Variants in SEMA6A observed in about 807,000 individuals in gnomAD.
The protein encoded by SEMA6A is semaphorin 6A, also known as semaphorin-6A.
A neutral mutation model predicts 96.8 loss-of-function variants in SEMA6A; 25 were observed. The ratio of observed to expected loss-of-function variants is 0.26; its 90% CI spans 0.19 to 0.36. The LOEUF (loss-of-function observed/expected upper bound fraction) is 0.36, where lower values mean the gene tolerates loss of function less well. Among genes scored for constraint, SEMA6A ranks in the 10% least tolerant of loss-of-function variants. SEMA6A has a pLI of 1.00. For missense variants in SEMA6A, 1,363 were observed against 1,323.1 expected (o/e 1.03, Z -0.47); for synonymous variants, 612 against 518.0 (o/e 1.18, Z -2.46).
chr5:116,539,708 C>T (rs1759880362), intron 1 of SEMA6A, among the ~76,000 whole-genome samples: 1 of 152,086 alleles, frequency 6.6e-6, no homozygotes, highest in South Asian at 2.1e-4. Context: ...ACTTGATCTT[C>T]ACCACTAGAA....
chr5:116,533,691 T>C (rs1759588341), intron 1 of SEMA6A, among the ~76,000 whole-genome samples: 1 of 152,176 alleles, frequency 6.6e-6, no homozygotes, highest in Admixed American at 6.5e-5. Context: ...CCTCTCAGTA[T>C]CCTGAGGTAG....
At chr5:116,569,620 T>C (rs1265648643) in intron 1 of SEMA6A, among the ~76,000 whole-genome samples, 2 of 152,216 alleles carry the variant, frequency 1.3e-5, no homozygotes, top group East Asian at 3.9e-4. Flanking sequence ...GAGAGGACCA[T>C]GGCTTGGCCA....
intron 1 of SEMA6A, among the ~76,000 whole-genome samples, chr5:116,521,053 T>C (rs1450420187): frequency 1.3e-5 from 2 of 152,188 alleles, no homozygotes; most frequent in African/African-American, 4.8e-5. Flanking sequence ...CCAGATTGTA[T>C]AGGATATAGA....
intron 1 of SEMA6A, among the ~76,000 whole-genome samples, chr5:116,508,679 C>G (rs903558579): frequency 1.3e-5 from 2 of 152,132 alleles, no homozygotes; most frequent in African/African-American, 2.4e-5. Context: ...AGATTTTTGA[C>G]TTCTTAAAAA....
At chr5:116,572,123 G>T (rs1761240582) in intron 1 of SEMA6A, among the ~76,000 whole-genome samples, 1 of 152,138 alleles carries the variant, frequency 6.6e-6, no homozygotes, top group African/African-American at 2.4e-5. Flanking sequence ...AGCGCTGGGG[G>T]GCATTAAATA....
At chr5:116,484,289 G>A (rs758507097) in intron 10 of SEMA6A, among the ~76,000 whole-genome samples, 2 of 152,022 alleles carry the variant, frequency 1.3e-5, no homozygotes, top group African/African-American at 2.4e-5. Flanking sequence ...CTAGGGTTTC[G>A]TAGTCTTCCT....
intron 5 of SEMA6A, 112 bp downstream of exon 5, chr5:116,496,139 T>C: frequency 2.2e-6 from 2 of 903,662 alleles, no homozygotes; most frequent in Middle Eastern, 4.5e-4. Context: ...AAGCAATTAC[T>C]GAGGGAAAAA....
chr5:116,541,833 A>AAAAC (rs370936195), intron 1 of SEMA6A, among the ~76,000 whole-genome samples: 4,010 of 152,204 alleles, frequency 0.026, 69 homozygotes, highest in African/African-American at 0.042. Context: ...ACTCCATCTC[A>AAAAC]AAACAAACAA....
intron 1 of SEMA6A, among the ~76,000 whole-genome samples, chr5:116,523,591 C>A (rs922182897): frequency 6.6e-6 from 1 of 152,122 alleles, no homozygotes; most frequent in Non-Finnish European, 1.5e-5. Flanking sequence ...GGATTACATG[C>A]ATGAGCCACT....
intron 10 of SEMA6A, among the ~76,000 whole-genome samples, chr5:116,486,264 A>G (rs1300183029): frequency 6.6e-6 from 1 of 152,188 alleles, no homozygotes; most frequent in Non-Finnish European, 1.5e-5. Flanking sequence ...TTTAACTTCA[A>G]AAGGTACTGA....
chr5:116,463,489 C>T (rs766236037), intron 18 of SEMA6A, among the ~76,000 whole-genome samples: 18 of 152,056 alleles, frequency 1.2e-4, no homozygotes, highest in Admixed American at 4.6e-4. Context: ...TGAATCTTAC[C>T]GGAATATTAT....
intron 11 of SEMA6A, among the ~76,000 whole-genome samples, chr5:116,482,070 CTA>C (rs777107464): frequency 8.5e-5 from 13 of 152,062 alleles, no homozygotes; most frequent in Non-Finnish European, 1.5e-4. Context: ...ACATGGGTCT[CTA>C]TAAAATTGAA....
intron 18 of SEMA6A, among the ~76,000 whole-genome samples, chr5:116,460,210 T>C (rs909953356): frequency 6.6e-6 from 1 of 152,176 alleles, no homozygotes; most frequent in African/African-American, 2.4e-5. Flanking sequence ...TTAAGAACAA[T>C]TTGATTTCTG....
intron 1 of SEMA6A, among the ~76,000 whole-genome samples, chr5:116,529,993 T>C (rs1219223232): frequency 1.3e-5 from 2 of 151,972 alleles, no homozygotes; most frequent in East Asian, 3.9e-4. Flanking sequence ...GAACCTAAAA[T>C]AAAAGTAGAA....
chr5:116,451,429 T>G (rs182162345), intron 18 of SEMA6A, among the ~76,000 whole-genome samples: 4 of 152,142 alleles, frequency 2.6e-5, no homozygotes, highest in African/African-American at 4.8e-5. Context: ...AAAGGTGATA[T>G]GAGATTTCGA....
chr5:116,493,161 T>C (rs1243435033), intron 6 of SEMA6A, among the ~76,000 whole-genome samples: 2 of 152,238 alleles, frequency 1.3e-5, no homozygotes, highest in East Asian at 3.9e-4. Flanking sequence ...TCATGGGAAA[T>C]GGAACATGTA....
At chr5:116,505,034 C>T in intron 1 of SEMA6A, 52 bp from the exon 2 acceptor site, 1 of 814,898 alleles carries the variant, frequency 1.2e-6, no homozygotes, top group East Asian at 2.7e-5. Context: ...TGTTCAATGC[C>T]ATAAAATGAA....
At chr5:116,563,343 C>T (rs1760894423) in intron 1 of SEMA6A, among the ~76,000 whole-genome samples, 1 of 152,162 alleles carries the variant, frequency 6.6e-6, no homozygotes, top group African/African-American at 2.4e-5. Context: ...CTCCACACCA[C>T]TTACAAATTT....
At chr5:116,458,958 A>G (rs998840833) in intron 18 of SEMA6A, among the ~76,000 whole-genome samples, 3 of 152,144 alleles carry the variant, frequency 2.0e-5, no homozygotes, top group African/African-American at 7.2e-5. Context: ...CCAGCACCTG[A>G]CTTGCTCACA....
Sources: gnomAD v4.1 joint callset for allele counts (sites outside exome capture counted in the v4.1 genomes callset) on GRCh38, gnomAD v4.1.1 for gene constraint, MANE v1.5 for transcripts, NCBI Gene and HGNC (gene_info 2026-07-23, HGNC 2026-07-21) for gene names.